Variants in ZNF518B observed in about 807,000 individuals in gnomAD.
ZNF518B encodes zinc finger protein 518B.
A neutral mutation model predicts 56.3 loss-of-function variants in ZNF518B; 23 were observed. The ratio of observed to expected loss-of-function variants is 0.41; its 90% CI spans 0.29 to 0.58. The LOEUF is 0.58. Ranked by LOEUF, ZNF518B falls within the 20% of genes least tolerant of loss-of-function variation. The pLI is 0.32. For missense variants in ZNF518B, 1,460 were observed against 1,272.1 expected (o/e 1.15, Z -2.25); for synonymous variants, 529 against 465.9 (o/e 1.14, Z -1.74).
chr4:10,444,847 A>T lies in ZNF518B; in HGVS notation c.1482T>A (p.Val494=). Residue 494 remains valine, a synonymous_variant, in exon 3 of 3, where the codon GTT becomes GTA. Transcript: ENST00000326756. The stretch of plus-strand genomic sequence containing the variant: ...TTGATGCAGCTCCAAGACTACGTAA[A>T]ACACTGTTTTTAAATACAGATGCTA... ...HSLASVFKNS[V]LRSLGAASNP... 1 of 1,614,000 alleles carries T rather than the reference A, an allele frequency of 6.2e-7. No homozygotes were observed. Among genetic ancestry groups the T allele is most frequent in the South Asian group, 1.1e-5 (1 of 91,060 alleles).
chr4:10,445,569 T>G lies in ZNF518B; in HGVS notation c.760A>C (p.Asn254His). The G allele has an allele frequency of 6.2e-7, 1 of 1,614,210 alleles. No homozygotes were observed. The highest frequency in any genetic ancestry group is 8.5e-7 in the Non-Finnish European group (1 of 1,180,042). Residue 254 changes from asparagine to histidine, a missense_variant, in exon 3 of 3, where the codon AAT becomes CAT. Physicochemically the swap from Asn to His is moderately conservative, Grantham distance 68. Coordinates refer to ENST00000326756, the MANE Select transcript of ZNF518B (RefSeq NM_053042.3). The part of the protein sequence containing the change: ...KASNPRTTFQ[N>H]KWSDQLSGFS... ...CCTGACAGTTGGTCTGACCACTTAT[T>G]TTGAAATGTAGTCCGTGGATTGGAA...
Position 10,446,229 on chromosome 4 carries a change from G to C in ZNF518B, c.100C>G (p.Arg34Gly), listed in dbSNP as rs138205888. ...PKQPDANGAP[R>G]PNRQEAQTLL... ...GTTTGTGCTTCTTGTCTATTTGGCC[G>C]AGGTGCTCCATTAGCATCAGGCTGT... The change falls in exon 3 of 3, where the codon CGG (arginine) becomes GGG (glycine). Residue 34 changes from arginine (R) to glycine (G), a missense_variant. Coordinates refer to ENST00000326756, the MANE Select transcript of ZNF518B (RefSeq NM_053042.3). 1 of 1,614,186 alleles carries C rather than the reference G, an allele frequency of 6.2e-7. No individual in the cohort carries two copies. Among genetic ancestry groups the C allele is most frequent in the Non-Finnish European group, 8.5e-7 (1 of 1,180,036 alleles).
At chr4:10,447,941 A>G (rs796842996) in intron 2 of ZNF518B, among the ~76,000 whole-genome samples, 8 of 152,194 alleles carry the variant, frequency 5.3e-5, no homozygotes, top group African/African-American at 1.9e-4. Context: ...GAGCCACCGC[A>G]CCTGGCCACA....
intron 2 of ZNF518B, chr4:10,453,243 A>C (rs995787516): frequency 6.6e-6 from 1 of 152,232 alleles, no homozygotes; most frequent in Non-Finnish European, 1.5e-5. Context: ...AAATCAGTCA[A>C]TATATTTTTT....
Position 10,443,327 on chromosome 4 carries a change from C to T in ZNF518B, c.3002G>A (p.Ser1001Asn). The part of the protein sequence containing the change: ...RLTYQNAEEA[S>N]QIKRQMMLKM... The stretch of plus-strand genomic sequence containing the variant: ...CAACATCATTTGCCTTTTAATTTGA[C>T]TGGCTTCTTCCGCATTCTGGTAGGT... Residue 1001 changes from serine (S) to asparagine (N), a missense_variant, in exon 3 of 3, where the codon AGT becomes AAT. Ser to Asn is a conservative substitution (Grantham distance 46, BLOSUM62 1). Transcript: ENST00000326756. 2 of 1,614,218 alleles carry T rather than the reference C, an allele frequency of 1.2e-6. No individual in the cohort carries two copies. The highest frequency in any genetic ancestry group is 1.3e-5 in the African/African-American group (1 of 75,070).
At chr4:10,452,273 AG>A (rs1477832810) in intron 2 of ZNF518B, 2 of 152,218 alleles carry the variant, frequency 1.3e-5, no homozygotes, top group Non-Finnish European at 2.9e-5. Context: ...TTGCCAAGCA[AG>A]GAATAATGCT....
chr4:10,460,321 AAAC>A (rs1715706205), upstream of ZNF518B, among the ~76,000 whole-genome samples: 4 of 88,228 alleles, frequency 4.5e-5, no homozygotes, highest in Non-Finnish European at 5.4e-5. Context: ...AAAAAAAAAA[AAAC>A]CAAAAAAAAA....
chr4:10,459,931 GAGA>G (rs1197541134), upstream of ZNF518B, among the ~76,000 whole-genome samples: 5 of 152,292 alleles, frequency 3.3e-5, no homozygotes, highest in African/African-American at 1.2e-4. Context: ...TAATGTAGGA[GAGA>G]AGAAGGAAGA....
In ZNF518B at chr4:10,445,242, G is replaced by C. The variant is rs111902822; in HGVS notation, c.1087C>G (p.Leu363Val). ...VNGTQQLVLKLFPLEENNCLE... is the reference protein window; with the variant it reads ...VNGTQQLVLKVFPLEENNCLE... ...CAATTATTTTCTTCCAGCGGAAACAGTTTCAGAACAAGCTGCTGTGTACCA... is the reference window on the plus strand; with the variant it reads ...CAATTATTTTCTTCCAGCGGAAACACTTTCAGAACAAGCTGCTGTGTACCA... Residue 363 changes from leucine to valine, a missense_variant, in exon 3 of 3, where the codon CTG becomes GTG. Coordinates refer to ENST00000326756, the MANE Select transcript of ZNF518B (RefSeq NM_053042.3). The C allele has an allele frequency of 1.9e-6, 3 of 1,614,204 alleles. No individual in the cohort carries two copies. Among genetic ancestry groups the C allele is most frequent in the Non-Finnish European group, 2.5e-6 (3 of 1,180,024 alleles).
Position 10,439,894 on chromosome 4 carries a change from A to C in ZNF518B, c.*3210T>G, listed in dbSNP as rs1714593213. ...AACGTTTGAAATCAAAGGGCAAAGA[A>C]AATTTTTGTTGCTTTATTTAACAAA... On this transcript the variant is annotated 3_prime_UTR_variant, in exon 3 of 3. Transcript: ENST00000326756. 2.6e-5 allele frequency: 4 copies of C among 151,810 alleles called. No homozygotes were observed. In the South Asian group the frequency reaches 8.4e-4, roughly 32 times the overall value. 9.4% of individuals were successfully genotyped at this position (151,810 alleles called of 1,614,324 possible). A position where few individuals can be genotyped will look rare whatever the true frequency, so the allele number is the denominator to read the frequency against.
rs1277263916 is a variant in ZNF518B, at chr4:10,439,963, C to T, written c.*3141G>A. On this transcript the variant is annotated 3_prime_UTR_variant, in exon 3 of 3. Coordinates refer to ENST00000326756, the MANE Select transcript of ZNF518B (RefSeq NM_053042.3). The stretch of plus-strand genomic sequence containing the variant: ...ATCTATATACAAACATGTTTCAAAA[C>T]CAGAGCAGCAGACACACAAACTGTT... The T allele has an allele frequency of 6.6e-6, 1 of 152,550 alleles. No individual in the cohort carries two copies. The highest frequency in any genetic ancestry group is 2.4e-5 in the African/African-American group (1 of 41,420). The allele number at this position is 152,550 out of a possible 1,614,324, so 9.4% of individuals were successfully genotyped here. A position where few individuals can be genotyped will look rare whatever the true frequency, so the allele number is the denominator to read the frequency against.
chr4:10,460,031 G>A (rs6856544), upstream of ZNF518B, among the ~76,000 whole-genome samples: 2 of 151,964 alleles, frequency 1.3e-5, no homozygotes, highest in South Asian at 2.1e-4. Flanking sequence ...TGGGCTGGGC[G>A]CAGTAGCTCA....
At chr4:10,446,783 G>A (rs1176952891) in intron 2 of ZNF518B, among the ~76,000 whole-genome samples, 1 of 152,296 alleles carries the variant, frequency 6.6e-6, no homozygotes, top group Non-Finnish European at 1.5e-5. Flanking sequence ...AGATATACCA[G>A]GAACAAGGAC....
At chr4:10,455,793 A>G (rs1001863793) in intron 1 of ZNF518B, among the ~76,000 whole-genome samples, 10 of 152,256 alleles carry the variant, frequency 6.6e-5, no homozygotes, top group African/African-American at 2.4e-4. Flanking sequence ...TTTGAAGGCT[A>G]AATTTGATCC....
upstream of ZNF518B, among the ~76,000 whole-genome samples, chr4:10,460,824 C>T (rs1261313034): frequency 2.0e-5 from 3 of 152,228 alleles, no homozygotes; most frequent in African/African-American, 7.2e-5. Flanking sequence ...CAGCACTGTC[C>T]ATTGGAAAAG....
intron 2 of ZNF518B, among the ~76,000 whole-genome samples, chr4:10,447,278 G>C (rs968742431): frequency 1.7e-4 from 26 of 152,296 alleles, no homozygotes; most frequent in Admixed American, 1.6e-3. Context: ...AACAGGACAG[G>C]GAAGACCACG....
At chr4:10,453,181 A>G (rs747105175) in intron 2 of ZNF518B, 1 of 152,258 alleles carries the variant, frequency 6.6e-6, no homozygotes, top group African/African-American at 2.4e-5. Context: ...AAAAGGGTGT[A>G]TGCAAGTGGG....
chr4:10,446,523 T>C lies in ZNF518B; in HGVS notation c.-195A>G. ...CAAAATATGACTGCTTTCAGCTCTCTGACATTCCAGGTAACACTAAAGGAA... is the reference window on the plus strand; with the variant it reads ...CAAAATATGACTGCTTTCAGCTCTCCGACATTCCAGGTAACACTAAAGGAA... On this transcript the variant is annotated 5_prime_UTR_variant, in exon 3 of 3. Transcript: ENST00000326756. 1.9e-6 allele frequency: 1 copy of C among 538,152 alleles called. No individual in the cohort carries two copies. The highest frequency in any genetic ancestry group is 2.9e-5 in the East Asian group (1 of 34,996). 33.3% of individuals were successfully genotyped at this position (538,152 alleles called of 1,614,324 possible).
At chr4:10,452,768 T>G (rs1385919058) in intron 2 of ZNF518B, 2 of 152,198 alleles carry the variant, frequency 1.3e-5, no homozygotes, top group African/African-American at 2.4e-5. Context: ...AAAAATCCAT[T>G]AAGTGTCATA....
Sources: allele counts gnomAD v4.1 joint callset (sites outside exome capture counted in the v4.1 genomes callset), GRCh38; gene constraint gnomAD v4.1.1; transcripts MANE v1.5; gene names NCBI Gene and HGNC (gene_info 2026-07-23, HGNC 2026-07-21).